TMEM132C: variants seen among roughly 807,000 people sequenced by gnomAD.
TMEM132C encodes the protein transmembrane protein 132C, also known as protein phosphatase 1, regulatory subunit 152.
Under a neutral mutation model 61.4 loss-of-function variants are expected in TMEM132C, and 29 were observed. That is an observed-to-expected ratio of 0.47 (90% CI 0.35 to 0.64). The LOEUF is 0.64. Ranked by LOEUF, TMEM132C falls within the 30% of genes least tolerant of loss-of-function variation. TMEM132C has a pLI of 0.00. For synonymous variants in TMEM132C, 656 were observed against 633.1 expected, an observed-to-expected ratio of 1.04 and a Z score of -0.54; for missense variants, 1,408 against 1,476.9, an observed-to-expected ratio of 0.95 and a Z score of 0.76.
At chr12:128,663,626 G>A (rs1158478223) in intron 4 of TMEM132C, among the ~76,000 whole-genome samples, 1 of 152,164 alleles carries the variant, frequency 6.6e-6, no homozygotes, top group Non-Finnish European at 1.5e-5. Context: ...TAACACTTCC[G>A]TGTTAAGGAA....
At chr12:128,602,335 G>A (rs1272995676) in intron 3 of TMEM132C, among the ~76,000 whole-genome samples, 1 of 152,202 alleles carries the variant, frequency 6.6e-6, no homozygotes. Context: ...ATTGCACTTG[G>A]TGTCTCCCCA....
At chr12:128,571,587 T>C (rs894901924) in intron 3 of TMEM132C, among the ~76,000 whole-genome samples, 1 of 152,330 alleles carries the variant, frequency 6.6e-6, no homozygotes. Flanking sequence ...TGGTAATGGT[T>C]CTATTTTCTG....
At chr12:128,321,271 C>T (rs770301671) in intron 1 of TMEM132C, among the ~76,000 whole-genome samples, 2 of 151,766 alleles carry the variant, frequency 1.3e-5, no homozygotes, top group Non-Finnish European at 2.9e-5. Flanking sequence ...TTAAACAAAC[C>T]GTGTACCATG....
intron 1 of TMEM132C, 102 bp downstream of exon 1, chr12:128,267,589 C>A: frequency 1.0e-6 from 1 of 953,068 alleles, no homozygotes; most frequent in South Asian, 5.0e-5. Flanking sequence ...CGGCGGGGGC[C>A]TCGGCGGGGG....
In TMEM132C at chr12:128,267,366, G is replaced by C. The variant is rs1463059821; in HGVS notation, c.-37G>C. The stretch of plus-strand genomic sequence containing the variant: ...GGCCGCGGGCGGGCGCTGCGCTTCG[G>C]GCTGGCGGCGGGCTGCGTGAGCGGC... On this transcript the variant is annotated 5_prime_UTR_variant, in exon 1 of 9. Coordinates refer to ENST00000435159, the MANE Select transcript of TMEM132C (RefSeq NM_001136103.3). 24 of 1,035,920 alleles carry C rather than the reference G, an allele frequency of 2.3e-5. No homozygotes were observed. Among genetic ancestry groups the C allele is most frequent in the Non-Finnish European group, 2.7e-5 (23 of 863,606 alleles). 64.2% of individuals were successfully genotyped at this position (1,035,920 alleles called of 1,614,324 possible).
chr12:128,267,991 C>T (rs1870371272), intron 1 of TMEM132C, among the ~76,000 whole-genome samples: 1 of 152,232 alleles, frequency 6.6e-6, no homozygotes, highest in South Asian at 2.1e-4. Flanking sequence ...ATCCCCTTTC[C>T]GCAACCGCTA....
chr12:128,681,704 A>G (rs1954636460), intron 5 of TMEM132C, among the ~76,000 whole-genome samples: 1 of 139,054 alleles, frequency 7.2e-6, no homozygotes, highest in South Asian at 2.3e-4. Flanking sequence ...CCCAGGCTGG[A>G]GTGCAGTGGC....
chr12:128,506,218 A>T (rs1175035813), intron 2 of TMEM132C, among the ~76,000 whole-genome samples: 2 of 152,200 alleles, frequency 1.3e-5, no homozygotes, highest in African/African-American at 4.8e-5. Flanking sequence ...AGGAGAAAGC[A>T]GTGGGGAATG....
chr12:128,488,517 C>T (rs916922274), intron 2 of TMEM132C, among the ~76,000 whole-genome samples: 2 of 151,862 alleles, frequency 1.3e-5, no homozygotes, highest in Admixed American at 6.6e-5. Flanking sequence ...AGAAATTAGC[C>T]GGACATGGTG....
intron 1 of TMEM132C, among the ~76,000 whole-genome samples, chr12:128,345,351 G>A (rs907986209): frequency 6.6e-6 from 1 of 152,158 alleles, no homozygotes; most frequent in African/African-American, 2.4e-5. Flanking sequence ...ATTGTGAATA[G>A]TGCTGCAGTG....
intron 4 of TMEM132C, among the ~76,000 whole-genome samples, chr12:128,667,016 G>T (rs1481813552): frequency 4.6e-5 from 7 of 152,226 alleles, no homozygotes; most frequent in Admixed American, 4.6e-4. Flanking sequence ...CTTGCAGTGA[G>T]CCGAGGTCGC....
chr12:128,580,376 G>A (rs933999328), intron 3 of TMEM132C, among the ~76,000 whole-genome samples: 2 of 152,062 alleles, frequency 1.3e-5, no homozygotes, highest in Admixed American at 6.5e-5. Flanking sequence ...AGCAGAGATC[G>A]CGCCACTGCA....
At chr12:128,281,201 C>G (rs1870885340) in intron 1 of TMEM132C, among the ~76,000 whole-genome samples, 1 of 152,218 alleles carries the variant, frequency 6.6e-6, no homozygotes, top group Admixed American at 6.5e-5. Context: ...TCATGTATCA[C>G]TCAGCTGTCA....
intron 5 of TMEM132C, among the ~76,000 whole-genome samples, chr12:128,675,832 A>AGAT (rs1275445634): frequency 6.9e-6 from 1 of 144,952 alleles, no homozygotes. Flanking sequence ...AGATTTAGAT[A>AGAT]GATAGAAGAT....
chr12:128,317,691 TC>T (rs1872197885), intron 1 of TMEM132C, among the ~76,000 whole-genome samples: 1 of 152,146 alleles, frequency 6.6e-6, no homozygotes, highest in Non-Finnish European at 1.5e-5. Context: ...TCGAGCCCAG[TC>T]TGGCCAACAT....
chr12:128,568,444 C>T (rs1375831851), intron 3 of TMEM132C, among the ~76,000 whole-genome samples: 2 of 152,216 alleles, frequency 1.3e-5, no homozygotes, highest in Non-Finnish European at 2.9e-5. Context: ...AAACACATTT[C>T]AAATAAATAA....
At chr12:128,677,495 T>C (rs929207640) in intron 5 of TMEM132C, among the ~76,000 whole-genome samples, 2 of 151,876 alleles carry the variant, frequency 1.3e-5, no homozygotes, top group African/African-American at 2.4e-5. Context: ...GGGGATGGGG[T>C]GGTCCTCAAG....
intron 1 of TMEM132C, among the ~76,000 whole-genome samples, chr12:128,342,563 G>A (rs1393729750): frequency 7.4e-6 from 1 of 135,056 alleles, no homozygotes; most frequent in East Asian, 2.3e-4. Flanking sequence ...TTTGATCTCA[G>A]GACATCATTT....
At chr12:128,460,567 G>A (rs1055810906) in intron 2 of TMEM132C, among the ~76,000 whole-genome samples, 8 of 152,072 alleles carry the variant, frequency 5.3e-5, no homozygotes, top group South Asian at 2.1e-4. Context: ...TGCCCCAGGC[G>A]GTGCCACTCA....
Sources: gnomAD v4.1 joint callset for allele counts (sites outside exome capture counted in the v4.1 genomes callset) on GRCh38, gnomAD v4.1.1 for gene constraint, MANE v1.5 for transcripts, NCBI Gene and HGNC (gene_info 2026-07-23, HGNC 2026-07-21) for gene names.